The following ABL1 variants were observed in gnomAD, a reference collection of about 807,000 sequenced individuals.
ABL1 encodes ABL proto-oncogene 1, non-receptor tyrosine kinase.
A neutral mutation model predicts 94.7 loss-of-function variants in ABL1; 11 were observed. The observed-to-expected ratio is 0.12, with a 90% CI of 0.07 to 0.19. ABL1 has a LOEUF of 0.19. ABL1 is among the 10% of genes least tolerant of loss of function. ABL1 has a pLI of 1.00. For synonymous variants in ABL1, 656 were observed against 622.4 expected (o/e 1.05, Z -0.80); for missense variants, 1,082 against 1,489.4 (o/e 0.73, Z 4.50).
intron 1 of ABL1, among the ~76,000 whole-genome samples, chr9:130,735,119 G>A (rs564746771): frequency 1.5e-4 from 23 of 151,756 alleles, no homozygotes; most frequent in African/African-American, 4.6e-4. Flanking sequence ...AACCTCCGCC[G>A]CCTGGGTTCA....
At chr9:130,802,839 G>T (rs543639976) in intron 1 of ABL1, among the ~76,000 whole-genome samples, 106 of 152,172 alleles carry the variant, frequency 7.0e-4, no homozygotes, top group Non-Finnish European at 1.3e-3. Flanking sequence ...TCTAATACTT[G>T]TTTGGTTTTA....
At chr9:130,717,561 A>G (rs781298741) in intron 1 of ABL1, among the ~76,000 whole-genome samples, 1 of 151,596 alleles carries the variant, frequency 6.6e-6, no homozygotes, top group Non-Finnish European at 1.5e-5. Context: ...AAATTAGCCA[A>G]GCTCCCACTG....
At chr9:130,805,377 T>A (rs1830111803) in intron 1 of ABL1, among the ~76,000 whole-genome samples, 1 of 152,198 alleles carries the variant, frequency 6.6e-6, no homozygotes, top group Admixed American at 6.5e-5. Flanking sequence ...TGCACCCAGC[T>A]ATAACAACAT....
At chr9:130,725,008 T>TCA (rs1301673501) in intron 1 of ABL1, 1 of 276,374 alleles carries the variant, frequency 3.6e-6, no homozygotes, top group East Asian at 7.8e-5. Flanking sequence ...AACGTGTGCA[T>TCA]CATATTGCAA....
chr9:130,787,521 G>A (rs534130623), intron 1 of ABL1, among the ~76,000 whole-genome samples: 2 of 152,206 alleles, frequency 1.3e-5, no homozygotes, highest in South Asian at 2.1e-4. Flanking sequence ...CCTGGGTCCC[G>A]GGGACAGGGA....
chr9:130,879,038 C>A (rs893007913), intron 8 of ABL1, among the ~76,000 whole-genome samples: 1 of 152,044 alleles, frequency 6.6e-6, no homozygotes, highest in Non-Finnish European at 1.5e-5. Flanking sequence ...CCACCACGCC[C>A]GGCTAATTTT....
chr9:130,782,468 G>A (rs961215040), intron 1 of ABL1, among the ~76,000 whole-genome samples: 4 of 152,128 alleles, frequency 2.6e-5, no homozygotes, highest in Admixed American at 6.6e-5. Flanking sequence ...GACTGGTAGG[G>A]GTAAATTTAG....
chr9:130,789,954 T>A (rs1829883771), intron 1 of ABL1, among the ~76,000 whole-genome samples: 1 of 152,184 alleles, frequency 6.6e-6, no homozygotes, highest in African/African-American at 2.4e-5. Context: ...TAATTGGAGT[T>A]CCAGAAGAAG....
intron 1 of ABL1, among the ~76,000 whole-genome samples, chr9:130,750,027 AT>A (rs1158754629): frequency 6.6e-6 from 1 of 151,410 alleles, no homozygotes; most frequent in African/African-American, 2.4e-5. Flanking sequence ...TGAAAAAAAA[AT>A]AAATTATCCA....
chr9:130,793,417 A>G (rs1254583709), intron 1 of ABL1, among the ~76,000 whole-genome samples: 1 of 152,152 alleles, frequency 6.6e-6, no homozygotes, highest in African/African-American at 2.4e-5. Flanking sequence ...GGCCTTAATT[A>G]TCATGAATTT....
At chr9:130,799,616 G>T (rs1353624776) in intron 1 of ABL1, among the ~76,000 whole-genome samples, 2 of 152,164 alleles carry the variant, frequency 1.3e-5, no homozygotes, top group African/African-American at 4.8e-5. Flanking sequence ...GGATTTCAAT[G>T]GAATATTGCA....
rs35188504 is a variant in ABL1 at position 130,718,317 on chromosome 9, C to CAAAA, written c.136+3879_136+3882dup. Among the ~76,000 whole-genome samples the CAAAA allele has an allele frequency of 2.3e-3, 167 of 72,884 alleles. 4 individuals carry two copies. Among genetic ancestry groups the CAAAA allele is most frequent in the Middle Eastern group, 8.6e-3 (1 of 116 alleles). 47.8% of individuals were successfully genotyped at this position (72,884 alleles called of 152,430 possible). On this transcript the variant is annotated intron_variant, in intron 1 of 10. Coordinates refer to the ABL1 transcript ENST00000372348. ...TGGGTAACAGAATGAGACTCTGTCT[C>CAAAA]AAAAAAAAAAAAAAAAAAAAGAAAC...
At chr9:130,722,427 A>G (rs1347403697) in intron 1 of ABL1, among the ~76,000 whole-genome samples, 1 of 152,154 alleles carries the variant, frequency 6.6e-6, no homozygotes, top group Non-Finnish European at 1.5e-5. Flanking sequence ...GAAAGATTAT[A>G]TCCATCTACT....
Position 130,724,767 on chromosome 9 carries a change from A to AAG in ABL1, c.136+10313_136+10314insGA, listed in dbSNP as rs1263040486. The AAG allele has an allele frequency of 6.4e-6, 3 of 470,150 alleles. No individual in the cohort carries two copies. In the East Asian group the frequency reaches 1.7e-4, roughly 26 times the overall value. 29.1% of individuals were successfully genotyped at this position (470,150 alleles called of 1,614,324 possible). ...GTCTTTAAAAAAAAAAAAAAAAAAA[A>AAG]AAAGCAAATAAATTCTTGAGATGAA... On this transcript the variant is annotated intron_variant, in intron 1 of 10. Coordinates refer to the ABL1 transcript ENST00000372348.
chr9:130,807,025 C>T (rs562459384), intron 1 of ABL1, among the ~76,000 whole-genome samples: 1 of 152,006 alleles, frequency 6.6e-6, no homozygotes, highest in Non-Finnish European at 1.5e-5. Context: ...TGGCGGGCGC[C>T]TGTAATCCCA....
intron 1 of ABL1, among the ~76,000 whole-genome samples, chr9:130,796,749 C>A (rs1442242794): frequency 6.7e-6 from 1 of 149,346 alleles, no homozygotes; most frequent in East Asian, 1.9e-4. Flanking sequence ...AAAACAATGT[C>A]TTTCTCTGCC....
At chr9:130,856,431 A>C (rs955541228) in intron 3 of ABL1, among the ~76,000 whole-genome samples, 1 of 152,146 alleles carries the variant, frequency 6.6e-6, no homozygotes, top group Non-Finnish European at 1.5e-5. Flanking sequence ...CATGTCGCCC[A>C]GGCTAGTCTC....
At position 130,872,909 on chromosome 9, in the gene ABL1, C is replaced by T. The variant is rs754402007; in HGVS notation, c.957C>T (p.Thr319=). 6.2e-6 allele frequency: 10 copies of T among 1,614,050 alleles called. No individual in the cohort carries two copies. The highest frequency in any genetic ancestry group is 1.3e-5 in the African/African-American group (1 of 74,916). ...TCTATATCATCACTGAGTTCATGAC[C>T]TACGGGAACCTCCTGGACTACCTGA... The part of the protein sequence containing the change: ...PPFYIITEFM[T]YGNLLDYLRE... The change falls in exon 6 of 11, where the codon ACC becomes ACT. Residue 319 remains threonine (T), a synonymous_variant. Coordinates refer to ENST00000318560, the MANE Select transcript of ABL1 (RefSeq NM_005157.6). The surrounding 1 kb of genome is among the most constrained non-coding windows in gnomAD (Gnocchi z 5.0).
At position 130,863,910 on chromosome 9, in the gene ABL1, C is replaced by T. The variant is rs1037922313; in HGVS notation, c.822+875C>T. Among the ~76,000 whole-genome samples the T allele has an allele frequency of 6.6e-6, 1 of 152,148 alleles. No individual in the cohort carries two copies. Among genetic ancestry groups the T allele is most frequent in the Non-Finnish European group, 1.5e-5 (1 of 68,034 alleles). On this transcript the variant is annotated intron_variant, in intron 4 of 10. Transcript: ENST00000318560. The surrounding 1 kb of genome is among the most constrained non-coding windows in gnomAD (Gnocchi z 4.3). ...TAGAGCTGTTAGAAAAGAACTGAAACATCCACCTCTGGGAAAAATAGAGTT... is the reference window on the plus strand; with the variant it reads ...TAGAGCTGTTAGAAAAGAACTGAAATATCCACCTCTGGGAAAAATAGAGTT...
Sources: allele counts gnomAD v4.1 joint callset (sites outside exome capture counted in the v4.1 genomes callset), GRCh38; gene constraint gnomAD v4.1.1; non-coding constraint Gnocchi (gnomAD v3.1); transcripts MANE v1.5; gene names NCBI Gene and HGNC (gene_info 2026-07-23, HGNC 2026-07-21).